The following OXR1 variants were observed in gnomAD, a reference collection of about 807,000 sequenced individuals.
The protein encoded by OXR1 is oxidation resistance protein 1.
In OXR1, 41 loss-of-function variants were observed where a neutral mutation model predicts 104.6. The observed-to-expected ratio is 0.39, with a 90% CI of 0.31 to 0.51. OXR1 has a LOEUF of 0.51. Ranked by LOEUF, OXR1 falls within the 20% of genes least tolerant of loss-of-function variation. The pLI is 0.77. For synonymous variants in OXR1, 348 were observed against 348.4 expected (o/e 1.00, Z 0.01); for missense variants, 955 against 1,031.9 (o/e 0.93, Z 1.02).
chr8:106,702,401 C>T (rs1274473236), intron 7 of OXR1, among the ~76,000 whole-genome samples: 4 of 152,096 alleles, frequency 2.6e-5, no homozygotes, highest in Non-Finnish European at 5.9e-5. Flanking sequence ...ACTCCTTGCC[C>T]AAGGTCACAA....
At chr8:106,699,819 TCTTC>T (rs1423779097) in intron 7 of OXR1, among the ~76,000 whole-genome samples, 2 of 152,158 alleles carry the variant, frequency 1.3e-5, no homozygotes, top group African/African-American at 4.8e-5. Flanking sequence ...TCTTTTTTCA[TCTTC>T]CTACAAGTTG....
At chr8:106,479,930 A>G (rs960505915) in intron 2 of OXR1, among the ~76,000 whole-genome samples, 3 of 152,004 alleles carry the variant, frequency 2.0e-5, no homozygotes, top group Admixed American at 6.6e-5. Context: ...TAGTTTTGGC[A>G]TATTTACAGT....
intron 3 of OXR1, among the ~76,000 whole-genome samples, chr8:106,563,483 CA>C (rs1816845194): frequency 1.3e-5 from 2 of 152,092 alleles, no homozygotes; most frequent in Non-Finnish European, 2.9e-5. Flanking sequence ...CACCCAGATT[CA>C]TAAAGCAAGT....
At chr8:106,593,919 C>G (rs1279826997) in intron 3 of OXR1, among the ~76,000 whole-genome samples, 1 of 152,218 alleles carries the variant, frequency 6.6e-6, no homozygotes, top group Non-Finnish European at 1.5e-5. Flanking sequence ...CCAAGCCCCC[C>G]TGCACAGCCA....
chr8:106,606,318 T>TTATC (rs3046723), intron 3 of OXR1, among the ~76,000 whole-genome samples: 1 of 151,818 alleles, frequency 6.6e-6, no homozygotes, highest in East Asian at 1.9e-4. Context: ...ATTTATTTAT[T>TTATC]GAGACAGAGT....
chr8:106,381,594 A>C (rs1467742294), intron 2 of OXR1, among the ~76,000 whole-genome samples: 1 of 152,164 alleles, frequency 6.6e-6, no homozygotes, highest in Non-Finnish European at 1.5e-5. Context: ...TGTGGGATCT[A>C]AACACACAGG....
At chr8:106,537,830 AAAG>A (rs1467079712) in intron 3 of OXR1, among the ~76,000 whole-genome samples, 1 of 152,158 alleles carries the variant, frequency 6.6e-6, no homozygotes, top group Non-Finnish European at 1.5e-5. Context: ...CCATCCCAAA[AAAG>A]AAGAATGGAT....
chr8:106,325,102 G>C (rs1185196424), intron 1 of OXR1, among the ~76,000 whole-genome samples: 1 of 152,252 alleles, frequency 6.6e-6, no homozygotes, highest in Non-Finnish European at 1.5e-5. Context: ...AAGAATAAAA[G>C]TAATAGAAGA....
chr8:106,679,447 T>C (rs565450435), intron 4 of OXR1, among the ~76,000 whole-genome samples, 155 bp downstream of exon 4: 1 of 152,058 alleles, frequency 6.6e-6, no homozygotes, highest in African/African-American at 2.4e-5. Flanking sequence ...TTTTAGTTGT[T>C]GTTTTTTTCT....
At chr8:106,521,222 AG>A (rs1345557740) in intron 3 of OXR1, among the ~76,000 whole-genome samples, 1 of 152,228 alleles carries the variant, frequency 6.6e-6, no homozygotes, top group Non-Finnish European at 1.5e-5. Flanking sequence ...TATGTCTCTT[AG>A]TAAAAGTATT....
chr8:106,459,367 A>G (rs1321705942), intron 2 of OXR1, among the ~76,000 whole-genome samples: 2 of 152,122 alleles, frequency 1.3e-5, no homozygotes, highest in Admixed American at 6.6e-5. Context: ...CACAGCAAGA[A>G]GGCCCTCATA....
intron 10 of OXR1, among the ~76,000 whole-genome samples, chr8:106,713,226 G>A (rs1050658970): frequency 4.6e-5 from 7 of 151,748 alleles, no homozygotes; most frequent in Admixed American, 1.3e-4. Context: ...CCAATAAAAC[G>A]TAGATATTTG....
chr8:106,365,402 A>G (rs562898564), intron 2 of OXR1, among the ~76,000 whole-genome samples: 1 of 151,736 alleles, frequency 6.6e-6, no homozygotes, highest in Non-Finnish European at 1.5e-5. Flanking sequence ...TTAGGGGAGC[A>G]TAAATTAAGA....
At chr8:106,487,970 C>T (rs371024434) in intron 2 of OXR1, among the ~76,000 whole-genome samples, 2 of 148,802 alleles carry the variant, frequency 1.3e-5, no homozygotes, top group Non-Finnish European at 1.5e-5. Flanking sequence ...ATGGTATTTC[C>T]AGTTCTAGAT....
intron 2 of OXR1, among the ~76,000 whole-genome samples, chr8:106,388,018 C>T (rs1817446936): frequency 6.6e-6 from 1 of 152,142 alleles, no homozygotes; most frequent in African/African-American, 2.4e-5. Context: ...CATATGCTTT[C>T]CAGGGGTAAA....
intron 3 of OXR1, among the ~76,000 whole-genome samples, chr8:106,540,495 C>T (rs1301672455): frequency 6.6e-6 from 1 of 152,190 alleles, no homozygotes; most frequent in Non-Finnish European, 1.5e-5. Flanking sequence ...GAATACACAA[C>T]GTTACAATCA....
chr8:106,469,549 G>T (rs1043727101), intron 2 of OXR1, among the ~76,000 whole-genome samples: 2 of 151,828 alleles, frequency 1.3e-5, no homozygotes, highest in African/African-American at 2.4e-5. Flanking sequence ...GAACAAATGT[G>T]TTGGCTGTTA....
intron 11 of OXR1, among the ~76,000 whole-genome samples, chr8:106,719,432 A>G (rs886706368): frequency 6.6e-6 from 1 of 152,188 alleles, no homozygotes; most frequent in African/African-American, 2.4e-5. Flanking sequence ...CCTTTTCTCC[A>G]ATTGTTCATA....
At chr8:106,423,912 C>A (rs1355036775) in intron 2 of OXR1, among the ~76,000 whole-genome samples, 1 of 152,072 alleles carries the variant, frequency 6.6e-6, no homozygotes, top group Non-Finnish European at 1.5e-5. Flanking sequence ...ATAATCATTT[C>A]TTTCCTAACT....
Sources: allele counts gnomAD v4.1 joint callset (sites outside exome capture counted in the v4.1 genomes callset), GRCh38; gene constraint gnomAD v4.1.1; transcripts MANE v1.5; gene names NCBI Gene and HGNC (gene_info 2026-07-23, HGNC 2026-07-21).